Variants in ZNF407 observed in about 807,000 individuals in gnomAD.
ZNF407 encodes zinc finger protein 407.
A neutral mutation model predicts 131.2 loss-of-function variants in ZNF407; 17 were observed. That is an observed-to-expected ratio of 0.13 (90% confidence interval 0.09 to 0.19). The LOEUF (loss-of-function observed/expected upper bound fraction) is 0.19, where lower values mean the gene tolerates loss of function less well. ZNF407 is among the 10% of genes least tolerant of loss of function. The pLI is 1.00. For synonymous variants in ZNF407, 1,156 were observed against 1,062.0 expected (o/e 1.09, Z -1.72); for missense variants, 2,681 against 2,830.6 (o/e 0.95, Z 1.20).
intron 3 of ZNF407, among the ~76,000 whole-genome samples, chr18:74,675,601 C>T (rs1353111693): frequency 6.6e-6 from 1 of 152,146 alleles, no homozygotes; most frequent in Non-Finnish European, 1.5e-5. Context: ...AGCTTTCTGT[C>T]TTTTCTGTGC....
intron 3 of ZNF407, among the ~76,000 whole-genome samples, chr18:74,707,052 A>G (rs1402889838): frequency 3.3e-5 from 5 of 149,254 alleles, no homozygotes; most frequent in Non-Finnish European, 7.4e-5. Context: ...ACCAGGTTCC[A>G]TGATTCTCCT....
intron 8 of ZNF407, among the ~76,000 whole-genome samples, chr18:74,953,080 T>C (rs1013722074): frequency 6.6e-6 from 1 of 151,440 alleles, no homozygotes; most frequent in African/African-American, 2.5e-5. Context: ...GAGAGGAGCC[T>C]ACGTTGATTT....
At chr18:74,683,630 A>C (rs1376472444) in intron 3 of ZNF407, among the ~76,000 whole-genome samples, 1 of 152,208 alleles carries the variant, frequency 6.6e-6, no homozygotes, top group Non-Finnish European at 1.5e-5. Flanking sequence ...AATGAATCAC[A>C]CTTGTAGAAC....
chr18:74,880,378 G>T (rs934390200), intron 5 of ZNF407, among the ~76,000 whole-genome samples: 2 of 152,188 alleles, frequency 1.3e-5, no homozygotes, highest in African/African-American at 2.4e-5. Flanking sequence ...AAGATGAATA[G>T]TATGAATTTT....
chr18:74,673,379 G>A (rs1447117963), intron 3 of ZNF407, among the ~76,000 whole-genome samples: 1 of 152,160 alleles, frequency 6.6e-6, no homozygotes, highest in Non-Finnish European at 1.5e-5. Context: ...GCTTGTCCAG[G>A]CGTTTGTGCT....
intron 4 of ZNF407, among the ~76,000 whole-genome samples, chr18:74,839,547 G>T (rs1970603552): frequency 6.6e-6 from 1 of 152,108 alleles, no homozygotes; most frequent in Non-Finnish European, 1.5e-5. Context: ...TCTCTTCAAG[G>T]CAACTGATTT....
At chr18:74,932,963 GCT>G (rs1971999568) in intron 8 of ZNF407, among the ~76,000 whole-genome samples, 1 of 152,190 alleles carries the variant, frequency 6.6e-6, no homozygotes, top group African/African-American at 2.4e-5. Flanking sequence ...CAATAGTGCA[GCT>G]GCTGTGGAAG....
At chr18:74,851,471 A>T (rs1255773139) in intron 4 of ZNF407, among the ~76,000 whole-genome samples, 14 of 152,170 alleles carry the variant, frequency 9.2e-5, no homozygotes, top group Non-Finnish European at 1.8e-4. Context: ...TGTTCATTTG[A>T]AGTATTTTAC....
At chr18:74,800,407 A>G (rs1969999470) in intron 4 of ZNF407, among the ~76,000 whole-genome samples, 1 of 151,956 alleles carries the variant, frequency 6.6e-6, no homozygotes, top group African/African-American at 2.4e-5. Flanking sequence ...GATTTTTTCC[A>G]ATAAACAAAA....
At chr18:74,812,171 GCT>G (rs1205094252) in intron 4 of ZNF407, among the ~76,000 whole-genome samples, 1 of 152,170 alleles carries the variant, frequency 6.6e-6, no homozygotes, top group Admixed American at 6.5e-5. Context: ...GTTTCAGAAA[GCT>G]CTGGATTTGT....
intron 3 of ZNF407, among the ~76,000 whole-genome samples, chr18:74,755,581 G>GTTTTT (rs1568199573): frequency 3.2e-5 from 1 of 31,038 alleles, no homozygotes; most frequent in African/African-American, 6.5e-5. Context: ...CCTCCTTTCT[G>GTTTTT]GTTTTTTTTT....
Position 74,765,957 on chromosome 18 carries a change from C to G in ZNF407, c.4803-15471C>G, listed in dbSNP as rs868689320. On this transcript the variant is annotated intron_variant, in intron 3 of 8. Transcript: ENST00000299687. The stretch of plus-strand genomic sequence containing the variant: ...TTACTCTATCTTCTAAACCCCAAAT[C>G]AGTCAGGATTCACTCAGACATTTAG... Among the ~76,000 whole-genome samples, 51 of 152,048 alleles carry G rather than the reference C, an allele frequency of 3.4e-4. 1 individual carries two copies. The highest frequency in any genetic ancestry group is 1.1e-3 in the African/African-American group (44 of 41,368).
intron 8 of ZNF407, among the ~76,000 whole-genome samples, chr18:75,036,127 A>G (rs1973305657): frequency 6.6e-6 from 1 of 152,234 alleles, no homozygotes; most frequent in African/African-American, 2.4e-5. Context: ...TTCACTGTGT[A>G]AAGCTGAGGC....
At chr18:74,763,405 T>C (rs2144979050) in intron 3 of ZNF407, among the ~76,000 whole-genome samples, 1 of 151,736 alleles carries the variant, frequency 6.6e-6, no homozygotes, top group African/African-American at 2.4e-5. Flanking sequence ...TAATTCTCTT[T>C]AGAAGGGGAG....
intron 3 of ZNF407, among the ~76,000 whole-genome samples, chr18:74,742,950 G>C (rs555408261): frequency 4.7e-4 from 72 of 152,212 alleles, no homozygotes; most frequent in Non-Finnish European, 8.8e-5. Flanking sequence ...TCCAGCAATA[G>C]ATAGGGAAAC....
chr18:74,850,785 T>A (rs756549875), intron 4 of ZNF407, among the ~76,000 whole-genome samples: 8 of 152,204 alleles, frequency 5.3e-5, no homozygotes, highest in Non-Finnish European at 8.8e-5. Context: ...GCACTGACCT[T>A]CGTGTTCCGT....
At chr18:74,756,410 G>A (rs1439610149) in intron 3 of ZNF407, among the ~76,000 whole-genome samples, 1 of 152,140 alleles carries the variant, frequency 6.6e-6, no homozygotes, top group Non-Finnish European at 1.5e-5. Context: ...AATTTGGAAA[G>A]TATTGTCACA....
chr18:74,614,840 G>A (rs1983216381), intron 1 of ZNF407, among the ~76,000 whole-genome samples: 1 of 152,182 alleles, frequency 6.6e-6, no homozygotes, highest in African/African-American at 2.4e-5. Flanking sequence ...GTCTTGTAAA[G>A]GCTAAAAGCC....
rs1004853839 is a variant in ZNF407, at chr18:74,928,833, G to A, written c.5428+8141G>A. On this transcript the variant is annotated intron_variant, in intron 8 of 8. Coordinates refer to ENST00000299687, the MANE Select transcript of ZNF407 (RefSeq NM_017757.3). Reference sequence around the variant, plus strand: ...AGGTTTCTTTGGGATCCCTTTGGCCGAGAAGGGGACCATTCAGTCAGCTGG... The same window carrying A: ...AGGTTTCTTTGGGATCCCTTTGGCCAAGAAGGGGACCATTCAGTCAGCTGG... Among the ~76,000 whole-genome samples the A allele has an allele frequency of 3.3e-5, 5 of 152,094 alleles. 1 individual carries two copies. In the South Asian group the frequency reaches 1.0e-3, roughly 32 times the overall value.
Sources: allele counts gnomAD v4.1 joint callset (sites outside exome capture counted in the v4.1 genomes callset), GRCh38; gene constraint gnomAD v4.1.1; transcripts MANE v1.5; gene names NCBI Gene and HGNC (gene_info 2026-07-23, HGNC 2026-07-21).